The following ROBO2 variants were observed in gnomAD, a reference collection of about 807,000 sequenced individuals.
ROBO2 encodes the protein roundabout homolog 2.
ROBO2 carries 53 observed loss-of-function variants against 160.8 expected under a neutral mutation model. The ratio of observed to expected loss-of-function variants is 0.33; its 90% confidence interval spans 0.26 to 0.41. The LOEUF is 0.41. ROBO2 is among the 10% of genes least tolerant of loss of function. The probability of loss-of-function intolerance (pLI) is 1.00; values close to 1 mark genes in which losing one functional copy is unlikely to be tolerated. For synonymous variants in ROBO2, 664 were observed against 611.7 expected (o/e 1.09, Z -1.26); for missense variants, 1,577 against 1,722.4 (o/e 0.92, Z 1.49).
At chr3:76,771,544 T>A (rs1007374207) in intron 2 of ROBO2, among the ~76,000 whole-genome samples, 9 of 151,102 alleles carry the variant, frequency 6.0e-5, no homozygotes, top group Admixed American at 5.3e-4. Context: ...AAATTTGACC[T>A]GAAAAACCTG....
intron 2 of ROBO2, among the ~76,000 whole-genome samples, chr3:76,941,594 A>G (rs2078192248): frequency 6.6e-6 from 1 of 152,198 alleles, no homozygotes; most frequent in African/African-American, 2.4e-5. Flanking sequence ...ATTACGTACC[A>G]ATCATCGGAA....
chr3:76,994,087 TTTGTTTTTTTTTTTTG>T (rs1257373921), intron 2 of ROBO2, among the ~76,000 whole-genome samples: 1 of 102,792 alleles, frequency 9.7e-6, no homozygotes, highest in African/African-American at 4.5e-5. Context: ...ATGTGCTTTT[TTTGTTTTTTTTTTTTG>T]TTGTTTTAAA....
rs76707015 is a variant in ROBO2, at chr3:76,989,301, A to G, written c.110-108713A>G. ...CGATTAGGAAAGTGAGGCTCAGAAA[A>G]GCTACATAAACTGATGAATGAAACA... On this transcript the variant is annotated intron_variant, in intron 2 of 26. Transcript: ENST00000487694. 9.3e-3 allele frequency among the ~76,000 whole-genome samples: 1,415 copies of G among 152,284 alleles called. 11 individuals are homozygous for G. Among genetic ancestry groups the G allele is most frequent in the Non-Finnish European group, 0.014 (953 of 68,002 alleles).
At chr3:75,908,276 A>C (rs1946434655) in intron 1 of ROBO2, among the ~76,000 whole-genome samples, 1 of 152,192 alleles carries the variant, frequency 6.6e-6, no homozygotes, top group Admixed American at 6.5e-5. Context: ...TTCTCAGATT[A>C]AGATATATGT....
At chr3:76,333,916 C>G (rs1176087998) in intron 2 of ROBO2, among the ~76,000 whole-genome samples, 1 of 152,130 alleles carries the variant, frequency 6.6e-6, no homozygotes, top group African/African-American at 2.4e-5. Flanking sequence ...ACCGCATGTT[C>G]TTACTCATAG....
chr3:77,582,358 C>T (rs183814399), intron 16 of ROBO2, among the ~76,000 whole-genome samples: 1 of 152,268 alleles, frequency 6.6e-6, no homozygotes, highest in East Asian at 1.9e-4. Context: ...ACCTTGGCCT[C>T]CCAGGCATGA....
At chr3:77,080,208 A>AACACC (rs2068490612) in intron 1 of ROBO2, among the ~76,000 whole-genome samples, 1 of 152,160 alleles carries the variant, frequency 6.6e-6, no homozygotes, top group Non-Finnish European at 1.5e-5. Context: ...CTAGAAGGAC[A>AACACC]ACACCGTAAG....
chr3:77,034,115 A>G (rs1003705475), intron 2 of ROBO2, among the ~76,000 whole-genome samples: 2 of 151,890 alleles, frequency 1.3e-5, no homozygotes, highest in African/African-American at 4.8e-5. Flanking sequence ...TTGCTAAGTG[A>G]AAGACTAAAC....
At chr3:77,492,075 T>C (rs372288367) in intron 4 of ROBO2, among the ~76,000 whole-genome samples, 12 of 152,206 alleles carry the variant, frequency 7.9e-5, no homozygotes, top group African/African-American at 2.9e-4. Flanking sequence ...TGCCACTGTA[T>C]ACAAAATTTT....
exon 2 of ROBO2, chr3:77,098,042 C>A: frequency 6.3e-7 from 1 of 1,583,246 alleles, no homozygotes; most frequent in Non-Finnish European, 8.6e-7. Flanking sequence ...AGGACTTTCC[C>A]CCGCGGATTG....
At position 76,358,073 on chromosome 3, in the gene ROBO2, T is replaced by A. The variant is rs1423203332; in HGVS notation, c.109+420471T>A. On this transcript the variant is annotated intron_variant, in intron 2 of 26. Transcript: ENST00000487694. ...TTATTTGTCTGTAATTAAGATACAATACTCTAAGTCTTATGTCAAAGCCCC... is the reference window on the plus strand; with the variant it reads ...TTATTTGTCTGTAATTAAGATACAAAACTCTAAGTCTTATGTCAAAGCCCC... 2.0e-5 allele frequency among the ~76,000 whole-genome samples: 3 copies of A among 152,056 alleles called. No homozygotes were observed. In the East Asian group the frequency reaches 5.8e-4, roughly 30 times the overall value.
chr3:77,508,724 T>G (rs937084622), intron 5 of ROBO2, among the ~76,000 whole-genome samples: 2 of 152,026 alleles, frequency 1.3e-5, no homozygotes, highest in African/African-American at 4.8e-5. Context: ...ATATTTGATA[T>G]AAATGAAGGG....
chr3:77,306,729 T>G (rs180867716), intron 2 of ROBO2, among the ~76,000 whole-genome samples: 70 of 152,300 alleles, frequency 4.6e-4, no homozygotes, highest in Non-Finnish European at 8.5e-4. Context: ...CTACTATGAT[T>G]CTACAATAAA....
chr3:77,204,921 A>G (rs1386539994), intron 2 of ROBO2, among the ~76,000 whole-genome samples: 1 of 152,220 alleles, frequency 6.6e-6, no homozygotes, highest in Non-Finnish European at 1.5e-5. Flanking sequence ...GGCCTGTGAC[A>G]GGGGTGTAGC....
chr3:76,603,351 A>AAAATATATATATAT (rs1553826368), intron 2 of ROBO2, among the ~76,000 whole-genome samples: 1 of 26,404 alleles, frequency 3.8e-5, no homozygotes, highest in African/African-American at 2.4e-4. Flanking sequence ...AAAAAAAAAA[A>AAAATATATATATAT]ATATATATAT....
At chr3:76,538,111 G>T (rs920474783) in intron 2 of ROBO2, among the ~76,000 whole-genome samples, 2 of 151,500 alleles carry the variant, frequency 1.3e-5, no homozygotes, top group Non-Finnish European at 2.9e-5. Flanking sequence ...GGTCACAGGG[G>T]TTATAATGGC....
At chr3:76,060,965 A>G (rs924797006) in intron 2 of ROBO2, among the ~76,000 whole-genome samples, 1 of 152,158 alleles carries the variant, frequency 6.6e-6, no homozygotes, top group Non-Finnish European at 1.5e-5. Flanking sequence ...TTCTAGAAGC[A>G]TGTTCTTGCT....
At chr3:76,743,817 G>A (rs964494721) in intron 2 of ROBO2, among the ~76,000 whole-genome samples, 4 of 151,806 alleles carry the variant, frequency 2.6e-5, no homozygotes, top group Non-Finnish European at 5.9e-5. Context: ...ATTAAAATGA[G>A]GGAGAGGGAA....
At chr3:76,440,544 G>C (rs7645331) in intron 2 of ROBO2, among the ~76,000 whole-genome samples, 75,770 of 151,914 alleles carry the variant, frequency 0.5, 19,167 homozygotes, top group African/African-American at 0.58. Context: ...GGGTGCTTTA[G>C]TGAACAGATT....
Sources: gnomAD v4.1 joint callset for allele counts (sites outside exome capture counted in the v4.1 genomes callset) on GRCh38, gnomAD v4.1.1 for gene constraint, MANE v1.5 for transcripts, NCBI Gene and HGNC (gene_info 2026-07-23, HGNC 2026-07-21) for gene names.